Variants in RALGAPA1 observed in about 807,000 individuals in gnomAD.
RALGAPA1 encodes the protein ral GTPase-activating protein subunit alpha-1.
In RALGAPA1, 52 loss-of-function variants were observed where a neutral mutation model predicts 269.6. The ratio of observed to expected loss-of-function variants is 0.19; its 90% CI spans 0.15 to 0.24. The LOEUF (loss-of-function observed/expected upper bound fraction) is 0.24. Ranked by LOEUF, RALGAPA1 falls within the 10% of genes least tolerant of loss-of-function variation. The pLI is 1.00. For missense variants in RALGAPA1, 1,917 were observed against 3,013.9 expected, an observed-to-expected ratio of 0.64 and a Z score of 8.52; for synonymous variants, 817 against 1,008.3, an observed-to-expected ratio of 0.81 and a Z score of 3.60.
chr14:35,724,700 A>G, intron 14 of RALGAPA1, among the ~76,000 whole-genome samples: 1 of 152,172 alleles, frequency 6.6e-6, no homozygotes, highest in East Asian at 1.9e-4. Context: ...TCCCTAAAAC[A>G]CTGCCAGGTT....
At chr14:35,568,841 G>A (rs1424766681) in intron 39 of RALGAPA1, among the ~76,000 whole-genome samples, 2 of 152,066 alleles carry the variant, frequency 1.3e-5, no homozygotes, top group South Asian at 2.1e-4. Flanking sequence ...AAATAAACTC[G>A]CCATGTCCAT....
intron 10 of RALGAPA1, 155 bp downstream of exon 10, chr14:35,748,430 C>G: frequency 1.2e-6 from 1 of 807,938 alleles, no homozygotes; most frequent in Non-Finnish European, 1.7e-6. Flanking sequence ...TCCAAAGTGG[C>G]CTCAAACTCC....
At chr14:35,556,276 T>C (rs983065783) in intron 39 of RALGAPA1, among the ~76,000 whole-genome samples, 6 of 152,168 alleles carry the variant, frequency 3.9e-5, no homozygotes, top group Non-Finnish European at 7.4e-5. Flanking sequence ...ATACACCGGG[T>C]AATTAGTATC....
intron 39 of RALGAPA1, among the ~76,000 whole-genome samples, chr14:35,565,409 G>T (rs1201046390): frequency 6.6e-6 from 1 of 151,462 alleles, no homozygotes; most frequent in Non-Finnish European, 1.5e-5. Flanking sequence ...TTATATTTTA[G>T]ATTTGATTAC....
rs927016210 is a variant in RALGAPA1, at chr14:35,750,678, A to G, written c.815T>C (p.Met272Thr). 1 of 1,604,250 alleles carries G rather than the reference A, an allele frequency of 6.2e-7. No individual in the cohort carries two copies. The highest frequency in any genetic ancestry group is 1.3e-5 in the African/African-American group (1 of 74,610). Reference protein sequence around the residue: ...LYHPILDIPQMRPKPHYVVIK... With the variant: ...LYHPILDIPQTRPKPHYVVIK... ...CACGACATAATGTGGCTTTGGTCTC[A>G]TCTGCGGGATGTCTGTGCAAAATAA... The change falls in exon 9 of 42, where the codon ATG becomes ACG. Residue 272 changes from methionine (M) to threonine (T), a missense_variant. Physicochemically the swap from Met to Thr is moderately conservative, Grantham distance 81. This residue lies in a region of RALGAPA1 where 462 missense variants were observed against 725.6 expected (regional missense o/e 0.64). Transcript: ENST00000680220.
intron 33 of RALGAPA1, among the ~76,000 whole-genome samples, chr14:35,631,830 T>G (rs895724751): frequency 6.6e-6 from 1 of 152,172 alleles, no homozygotes; most frequent in Non-Finnish European, 1.5e-5. Context: ...AAGAGCATTA[T>G]AAGTAACATA....
At chr14:35,706,477 A>T (rs1056251855) in intron 16 of RALGAPA1, among the ~76,000 whole-genome samples, 3 of 152,166 alleles carry the variant, frequency 2.0e-5, no homozygotes, top group Admixed American at 2.0e-4. Flanking sequence ...ATTTTATTCC[A>T]TCTATTTGTC....
chr14:35,730,804 G>A (rs1279743303), intron 12 of RALGAPA1, among the ~76,000 whole-genome samples: 1 of 152,084 alleles, frequency 6.6e-6, no homozygotes, highest in African/African-American at 2.4e-5. Flanking sequence ...TACTCATCCT[G>A]GTAACTGAAG....
At chr14:35,575,337 T>C (rs2057481658) in intron 37 of RALGAPA1, among the ~76,000 whole-genome samples, 1 of 152,232 alleles carries the variant, frequency 6.6e-6, no homozygotes, top group Admixed American at 6.5e-5. Context: ...GAAGTCATTT[T>C]GGAACTCAAG....
At chr14:35,671,709 T>C (rs958790387) in intron 25 of RALGAPA1, among the ~76,000 whole-genome samples, 192 bp from the exon 26 acceptor site, 1 of 152,232 alleles carries the variant, frequency 6.6e-6, no homozygotes, top group African/African-American at 2.4e-5. Context: ...CAATGGAAAG[T>C]AAACTGAAAA....
chr14:35,572,334 T>C (rs1566715979), intron 38 of RALGAPA1, among the ~76,000 whole-genome samples: 1 of 152,240 alleles, frequency 6.6e-6, no homozygotes, highest in Non-Finnish European at 1.5e-5. Context: ...TGGCACTACC[T>C]AGCCAAATCC....
intron 34 of RALGAPA1, 150 bp downstream of exon 34, chr14:35,626,940 T>C: frequency 4.7e-6 from 3 of 640,116 alleles, no homozygotes; most frequent in Non-Finnish European, 4.8e-6. Context: ...AACTCAGTGG[T>C]CTCAAAAAAA....
chr14:35,557,242 A>C (rs2055712601), intron 39 of RALGAPA1, among the ~76,000 whole-genome samples: 1 of 151,522 alleles, frequency 6.6e-6, no homozygotes, highest in Non-Finnish European at 1.5e-5. Flanking sequence ...TAATGAAATT[A>C]TAATGTCCTC....
chr14:35,767,113 G>C (rs2074222368), intron 4 of RALGAPA1: 1 of 235,742 alleles, frequency 4.2e-6, no homozygotes, highest in African/African-American at 2.3e-5. Flanking sequence ...TAACACAGTA[G>C]AGATAAATAT....
intron 1 of RALGAPA1, 106 bp downstream of exon 1, chr14:35,808,624 C>T (rs2077543858): frequency 4.9e-6 from 6 of 1,233,090 alleles, no homozygotes; most frequent in African/African-American, 1.5e-5. Flanking sequence ...CTACGATTTG[C>T]CCTCTCCTGC....
intron 31 of RALGAPA1, among the ~76,000 whole-genome samples, chr14:35,644,143 T>G (rs369138007): frequency 6.6e-6 from 1 of 152,182 alleles, no homozygotes; most frequent in African/African-American, 2.4e-5. Context: ...AAATATCCCA[T>G]GCACTCCATA....
At position 35,745,422 on chromosome 14, in the gene RALGAPA1, G is replaced by GACACACAC. The variant is rs71445957; in HGVS notation, c.1252-2865_1252-2858dup. Among the ~76,000 whole-genome samples, 1,121 of 146,776 alleles carry GACACACAC rather than the reference G, an allele frequency of 7.6e-3. 20 individuals carry two copies. The highest frequency in any genetic ancestry group is 0.068 in the East Asian group (337 of 4,936). On this transcript the variant is annotated intron_variant, in intron 10 of 41. Transcript: ENST00000680220. ...ATACACATACACAGACACACAGACA[G>GACACACAC]ACACACACACACACACACACACACA...
intron 33 of RALGAPA1, 109 bp from the exon 34 acceptor site, chr14:35,628,060 C>T: frequency 1.6e-6 from 2 of 1,238,846 alleles, no homozygotes; most frequent in Non-Finnish European, 2.2e-6. Context: ...GTTAATATTT[C>T]CAGTTTAGAT....
At chr14:35,745,670 A>G (rs551963016) in intron 10 of RALGAPA1, among the ~76,000 whole-genome samples, 1 of 151,308 alleles carries the variant, frequency 6.6e-6, no homozygotes, top group Non-Finnish European at 1.5e-5. Flanking sequence ...AGGCTGAGGC[A>G]GAAGAACTAC....
Sources: allele counts gnomAD v4.1 joint callset (sites outside exome capture counted in the v4.1 genomes callset), GRCh38; gene constraint gnomAD v4.1.1; regional missense constraint gnomAD v4.1.1; transcripts MANE v1.5; gene names NCBI Gene and HGNC (gene_info 2026-07-23, HGNC 2026-07-21).